Variants in RXRA observed in about 807,000 individuals in gnomAD.
RXRA encodes the protein retinoid X receptor alpha, also known as retinoic acid receptor RXR-alpha.
RXRA carries 5 observed loss-of-function variants against 44.5 expected under a neutral mutation model. The ratio of observed to expected loss-of-function variants is 0.11; its 90% CI spans 0.06 to 0.24. RXRA has a LOEUF of 0.24. Among genes scored for constraint, RXRA ranks in the 10% least tolerant of loss-of-function variants. The pLI is 1.00. For synonymous variants in RXRA, 291 were observed against 271.4 expected (o/e 1.07, Z -0.71); for missense variants, 412 against 646.5 (o/e 0.64, Z 3.93).
intron 1 of RXRA, among the ~76,000 whole-genome samples, chr9:134,370,642 C>G (rs1329671413): frequency 2.6e-5 from 4 of 152,250 alleles, no homozygotes; most frequent in Non-Finnish European, 5.9e-5. Flanking sequence ...CCCTGGTCGT[C>G]CTTCCTCGCC....
chr9:134,348,642 G>A (rs1830183634), intron 1 of RXRA, among the ~76,000 whole-genome samples: 2 of 152,386 alleles, frequency 1.3e-5, no homozygotes, highest in Admixed American at 1.3e-4. Flanking sequence ...GCGATGGAGG[G>A]CTGGCTCCTG....
chr9:134,408,193 GC>G lies in RXRA; in HGVS notation c.331del (p.Leu111TrpfsTer57). On this transcript the variant is annotated frameshift_variant, in exon 3 of 10. Coordinates refer to ENST00000481739, the MANE Select transcript of RXRA (RefSeq NM_002957.6). LOFTEE classifies it high-confidence loss of function. ...NPVSSSEDIK[P>X]PLGLNGVLKV... is the part of the protein sequence containing the mutation. The stretch of plus-strand genomic sequence containing the variant: ...CCGTCAGCAGCAGCGAGGACATCAA[GC>G]CCCCCCTGGGCCTCAATGGCGTCCT... 2 of 1,601,522 alleles carry G rather than the reference GC, an allele frequency of 1.2e-6. No individual in the cohort carries two copies. Among genetic ancestry groups the G allele is most frequent in the Non-Finnish European group, 1.7e-6 (2 of 1,173,900 alleles).
intron 1 of RXRA, among the ~76,000 whole-genome samples, chr9:134,363,847 C>T (rs1416673427): frequency 6.6e-6 from 1 of 152,176 alleles, no homozygotes; most frequent in African/African-American, 2.4e-5. Flanking sequence ...TCTCCTCATC[C>T]CGACCTCAGC....
rs573186226 is a variant in RXRA, at chr9:134,400,135, G to A, written c.29-1497G>A. 4.7e-4 allele frequency among the ~76,000 whole-genome samples: 72 copies of A among 152,328 alleles called. 1 individual carries two copies. The highest frequency in any genetic ancestry group is 3.4e-3 in the Middle Eastern group (1 of 294). On this transcript the variant is annotated intron_variant, in intron 1 of 9. Coordinates refer to ENST00000481739, the MANE Select transcript of RXRA (RefSeq NM_002957.6). ...AGTTTCCACGCTGCCGAGTGGTGGT[G>A]GCATCCTAAAGCTCATGCCATGTCT...
intron 5 of RXRA, among the ~76,000 whole-genome samples, chr9:134,421,105 C>T (rs1050279321): frequency 2.0e-5 from 3 of 152,252 alleles, no homozygotes; most frequent in Non-Finnish European, 4.4e-5. Flanking sequence ...CCGCACCTGC[C>T]TTCCAGAGCT....
intron 6 of RXRA, chr9:134,424,292 G>A (rs1387464837): frequency 1.0e-6 from 1 of 985,244 alleles, no homozygotes; most frequent in Admixed American, 6.2e-5. Flanking sequence ...AGGATGCCTG[G>A]AAAGCCATCC....
At chr9:134,415,489 A>T (rs1002342281) in intron 4 of RXRA, among the ~76,000 whole-genome samples, 1 of 150,450 alleles carries the variant, frequency 6.6e-6, no homozygotes, top group Admixed American at 6.6e-5. Context: ...GGGATGGGAC[A>T]TGGTCAGTCC....
chr9:134,380,382 A>C (rs2119100022), intron 1 of RXRA, among the ~76,000 whole-genome samples: 1 of 152,098 alleles, frequency 6.6e-6, no homozygotes, highest in South Asian at 2.1e-4. Context: ...GGGCCAGATC[A>C]GGGCTGGGGA....
intron 1 of RXRA, among the ~76,000 whole-genome samples, chr9:134,354,096 A>G (rs565297917): frequency 1.7e-4 from 26 of 152,160 alleles, no homozygotes; most frequent in Non-Finnish European, 2.9e-4. Context: ...GAAAGCCTAG[A>G]GGTGCATTCC....
At position 134,340,878 on chromosome 9, in the gene RXRA, G is replaced by T. The variant is rs191776794; in HGVS notation, c.28+14219G>T. Among the ~76,000 whole-genome samples the T allele has an allele frequency of 1.2e-3, 189 of 152,312 alleles. 1 individual carries two copies. The highest frequency in any genetic ancestry group is 4.2e-3 in the African/African-American group (176 of 41,574). ...CAGGGTCAGTCACACACGCTTTGGTGCGAATGAGCCTCATGTGAACCCTGG... is the reference window on the plus strand; with the variant it reads ...CAGGGTCAGTCACACACGCTTTGGTTCGAATGAGCCTCATGTGAACCCTGG... On this transcript the variant is annotated intron_variant, in intron 1 of 9. Transcript: ENST00000481739.
rs562954830 is a variant in RXRA, at chr9:134,439,453, C to A, written c.*2839C>A. The A allele has an allele frequency of 1.3e-5, 2 of 152,432 alleles. No homozygotes were observed. The highest frequency in any genetic ancestry group is 3.9e-4 in the East Asian group (2 of 5,190). 9.4% of individuals were successfully genotyped at this position (152,432 alleles called of 1,614,324 possible). On this transcript the variant is annotated 3_prime_UTR_variant, in exon 10 of 10. Transcript: ENST00000481739. The stretch of plus-strand genomic sequence containing the variant: ...AAGCTGGCCTGCCAGGACCTTCCAC[C>A]CTGGGGCCTGTGTCAGCCGCCGGCC...
intron 1 of RXRA, among the ~76,000 whole-genome samples, chr9:134,327,187 A>G (rs956798037): frequency 6.6e-6 from 1 of 151,998 alleles, no homozygotes; most frequent in Non-Finnish European, 1.5e-5. Flanking sequence ...AAAGCAGCCC[A>G]CGCCCGGGTG....
chr9:134,383,838 C>T (rs1359817351), intron 1 of RXRA, among the ~76,000 whole-genome samples: 2 of 152,174 alleles, frequency 1.3e-5, no homozygotes, highest in Non-Finnish European at 2.9e-5. Flanking sequence ...AGGTGTGGTT[C>T]CAGGCCCTGA....
At chr9:134,428,334 ATGT>A (rs1336074527) in intron 6 of RXRA, among the ~76,000 whole-genome samples, 1 of 118,770 alleles carries the variant, frequency 8.4e-6, no homozygotes, top group African/African-American at 3.3e-5. Context: ...GAACCCCCTG[ATGT>A]TGAGGGGCTG....
At chr9:134,356,040 G>A (rs947190831) in intron 1 of RXRA, among the ~76,000 whole-genome samples, 3 of 152,170 alleles carry the variant, frequency 2.0e-5, no homozygotes, top group African/African-American at 7.2e-5. Context: ...CTTCCACGAC[G>A]CCCTCACTGT....
intron 7 of RXRA, 146 bp from the exon 8 acceptor site, chr9:134,431,759 T>G (rs1831535546): frequency 1.7e-6 from 1 of 582,662 alleles, no homozygotes. Flanking sequence ...CCTCTCGGGG[T>G]GTCTGGGAGT....
intron 1 of RXRA, among the ~76,000 whole-genome samples, chr9:134,344,616 C>T (rs185407301): frequency 6.2e-4 from 94 of 152,268 alleles, no homozygotes; most frequent in African/African-American, 2.1e-3. Flanking sequence ...CCCCACCTCC[C>T]GGGCCTCTGA....
intron 1 of RXRA, among the ~76,000 whole-genome samples, chr9:134,368,849 T>C (rs1830448375): frequency 6.8e-6 from 1 of 147,274 alleles, no homozygotes; most frequent in South Asian, 2.2e-4. Context: ...CATATGTGTG[T>C]GTGAAAGTGT....
At chr9:134,396,806 C>T (rs1830886614) in intron 1 of RXRA, among the ~76,000 whole-genome samples, 1 of 152,230 alleles carries the variant, frequency 6.6e-6, no homozygotes, top group Non-Finnish European at 1.5e-5. Context: ...CTCTGTTTTT[C>T]ATCTAGACAG....
Sources: allele counts gnomAD v4.1 joint callset (sites outside exome capture counted in the v4.1 genomes callset), GRCh38; gene constraint gnomAD v4.1.1; transcripts MANE v1.5; gene names NCBI Gene and HGNC (gene_info 2026-07-23, HGNC 2026-07-21).